The following WWOX variants were observed in gnomAD, a reference collection of about 807,000 sequenced individuals.
The protein encoded by WWOX is WW domain-containing oxidoreductase.
Under a neutral mutation model 46.2 loss-of-function variants are expected in WWOX, and 69 were observed. That is an observed-to-expected ratio of 1.49 (90% CI 1.23 to 1.82). The LOEUF (loss-of-function observed/expected upper bound fraction) is 1.82, where lower values mean the gene tolerates loss of function less well. Among genes scored for constraint, WWOX ranks in the 40% most tolerant of loss-of-function variants. The pLI is 0.00. For synonymous variants in WWOX, 359 were observed against 202.6 expected (o/e 1.77, Z -6.56); for missense variants, 919 against 542.6 (o/e 1.69, Z -6.89).
chr16:79,200,885 G>A (rs896149012), intron 8 of WWOX, among the ~76,000 whole-genome samples: 1 of 152,136 alleles, frequency 6.6e-6, no homozygotes, highest in South Asian at 2.1e-4. Context: ...GGAGGTGCAG[G>A]CTTCATCTAT....
chr16:78,389,232 G>A (rs996786198), intron 6 of WWOX, among the ~76,000 whole-genome samples: 1 of 152,218 alleles, frequency 6.6e-6, no homozygotes, highest in Non-Finnish European at 1.5e-5. Context: ...TCAACAGGCT[G>A]CAACACTAGC....
At chr16:78,895,735 C>T (rs1438549207) in intron 8 of WWOX, 1 of 152,174 alleles carries the variant, frequency 6.6e-6, no homozygotes, top group South Asian at 2.1e-4. Flanking sequence ...TTGAGGAACG[C>T]AAGACTTAAA....
At chr16:78,997,354 A>G (rs922938238) in intron 8 of WWOX, among the ~76,000 whole-genome samples, 3 of 152,200 alleles carry the variant, frequency 2.0e-5, no homozygotes, top group Non-Finnish European at 2.9e-5. Context: ...TGGAAAATCT[A>G]GAAGATTCGT....
intron 5 of WWOX, among the ~76,000 whole-genome samples, chr16:78,215,770 A>G (rs1192659938): frequency 6.6e-6 from 1 of 152,126 alleles, no homozygotes; most frequent in Non-Finnish European, 1.5e-5. Context: ...TCTACTAAAA[A>G]TACAAAACAG....
intron 8 of WWOX, chr16:78,550,846 A>G (rs2044156409): frequency 6.7e-6 from 1 of 150,018 alleles, no homozygotes; most frequent in African/African-American, 2.4e-5. Flanking sequence ...GGCGGACCTA[A>G]TTTTTTTTTT....
intron 8 of WWOX, among the ~76,000 whole-genome samples, chr16:79,098,777 T>C (rs762017782): frequency 5.9e-5 from 9 of 152,184 alleles, no homozygotes; most frequent in Non-Finnish European, 1.3e-4. Context: ...TGCATAGAAA[T>C]GGTCTTCATT....
chr16:78,637,328 G>A (rs2046596384), intron 8 of WWOX, among the ~76,000 whole-genome samples: 1 of 151,940 alleles, frequency 6.6e-6, no homozygotes, highest in South Asian at 2.1e-4. Flanking sequence ...TATAATCCCA[G>A]CTACTTGGAG....
intron 5 of WWOX, among the ~76,000 whole-genome samples, chr16:78,379,462 C>G (rs990198084): frequency 2.6e-4 from 39 of 152,322 alleles, no homozygotes; most frequent in African/African-American, 9.1e-4. Context: ...CCTCCAGCCA[C>G]TGTACCGACG....
chr16:78,617,187 G>A (rs896715850), intron 8 of WWOX, among the ~76,000 whole-genome samples: 7 of 152,134 alleles, frequency 4.6e-5, no homozygotes, highest in Non-Finnish European at 1.0e-4. Context: ...TGAGGCAGGT[G>A]GATCACTTGA....
At chr16:79,159,147 A>G (rs1265385512) in intron 8 of WWOX, among the ~76,000 whole-genome samples, 1 of 152,236 alleles carries the variant, frequency 6.6e-6, no homozygotes, top group Admixed American at 6.5e-5. Context: ...AAAAGTGAAT[A>G]AAATTTTATT....
intron 8 of WWOX, among the ~76,000 whole-genome samples, chr16:79,088,682 A>C (rs2048898227): frequency 6.6e-6 from 1 of 152,196 alleles, no homozygotes; most frequent in Admixed American, 6.5e-5. Context: ...CTGTGGGTAC[A>C]TCATTTGTCA....
At chr16:78,821,674 G>A (rs2051498330) in intron 8 of WWOX, among the ~76,000 whole-genome samples, 1 of 152,162 alleles carries the variant, frequency 6.6e-6, no homozygotes, top group Non-Finnish European at 1.5e-5. Flanking sequence ...GTTCACAGGT[G>A]ACAAAGACAG....
At chr16:78,556,391 T>A (rs752239746) in intron 8 of WWOX, among the ~76,000 whole-genome samples, 1 of 152,078 alleles carries the variant, frequency 6.6e-6, no homozygotes, top group Non-Finnish European at 1.5e-5. Context: ...AACTGGGACT[T>A]GAGAGGAGCA....
rs531815089 is a variant in WWOX, at chr16:78,277,077, G to C, written c.517-109783G>C. On this transcript the variant is annotated intron_variant, in intron 5 of 8. Transcript: ENST00000566780. ...AAATTCGGTGTGGTCAGCAGACCCG[G>C]TGAAGTTTTGGATACATTCTCTTAA... is the stretch of plus-strand genomic sequence containing the variant. Among the ~76,000 whole-genome samples the C allele has an allele frequency of 8.7e-4, 133 of 152,284 alleles. 1 individual carries two copies. The highest frequency in any genetic ancestry group is 3.0e-3 in the African/African-American group (126 of 41,552).
intron 8 of WWOX, among the ~76,000 whole-genome samples, chr16:78,449,821 C>A (rs1817983498): frequency 6.6e-6 from 1 of 151,978 alleles, no homozygotes; most frequent in South Asian, 2.1e-4. Flanking sequence ...TAATCGATGG[C>A]CCAAATTGTC....
At chr16:78,879,615 C>T (rs2044302189) in intron 8 of WWOX, among the ~76,000 whole-genome samples, 2 of 152,148 alleles carry the variant, frequency 1.3e-5, no homozygotes, top group Admixed American at 6.5e-5. Context: ...TGATGGTTCA[C>T]GCCTGTAATC....
At chr16:78,628,633 T>C (rs2046361654) in intron 8 of WWOX, among the ~76,000 whole-genome samples, 1 of 152,148 alleles carries the variant, frequency 6.6e-6, no homozygotes, top group African/African-American at 2.4e-5. Flanking sequence ...TTTTTTTTTT[T>C]AGCTCTCTTT....
chr16:78,507,489 T>C (rs1230724045), intron 8 of WWOX, among the ~76,000 whole-genome samples: 3 of 152,210 alleles, frequency 2.0e-5, no homozygotes, highest in Non-Finnish European at 1.5e-5. Context: ...CTCCGGTTGG[T>C]CCATAAAAAG....
At chr16:78,453,558 G>T (rs1288703212) in intron 8 of WWOX, among the ~76,000 whole-genome samples, 1 of 152,162 alleles carries the variant, frequency 6.6e-6, no homozygotes, top group Admixed American at 6.5e-5. Flanking sequence ...GTTATATTGT[G>T]CAGACAGGCA....
Sources: gnomAD v4.1 joint callset for allele counts (sites outside exome capture counted in the v4.1 genomes callset) on GRCh38, gnomAD v4.1.1 for gene constraint, MANE v1.5 for transcripts, NCBI Gene and HGNC (gene_info 2026-07-23, HGNC 2026-07-21) for gene names.